The following IL12RB1 variants were observed in gnomAD, a reference collection of about 807,000 sequenced individuals.
IL12RB1 encodes interleukin-12 receptor subunit beta-1.
IL12RB1 carries 64 observed loss-of-function variants against 94.4 expected under a neutral mutation model. The ratio of observed to expected loss-of-function variants is 0.68; its 90% CI spans 0.55 to 0.83. IL12RB1 has a LOEUF of 0.83. Ranked by LOEUF, IL12RB1 falls within the 40% of genes least tolerant of loss-of-function variation. IL12RB1 has a pLI of 0.00. For missense variants in IL12RB1, 814 were observed against 855.6 expected (o/e 0.95, Z 0.61); for synonymous variants, 362 against 355.5 (o/e 1.02, Z -0.21).
chr19:18,098,559 A>G (rs1169694753), intron 1 of IL12RB1, among the ~76,000 whole-genome samples: 2 of 152,142 alleles, frequency 1.3e-5, no homozygotes, highest in Admixed American at 1.3e-4. Context: ...CGGGGACAGC[A>G]GAAGCCTAAG....
rs745668246 is a variant in IL12RB1, at chr19:18,066,658, T to G, written c.1367A>C (p.Asn456Thr). The change falls in exon 12 of 17, where the codon AAT becomes ACT. Residue 456 changes from asparagine (N) to threonine (T), a missense_variant. Physicochemically the swap from Asn to Thr is moderately conservative, Grantham distance 65. Transcript: ENST00000593993. ...AGTPHHVSVK[N>T]HSLDSVSVDW... is the part of the protein sequence containing the mutation. ...CACAGACACAGAGTCCAAGCTATGA[T>G]TCTTCACCGAGACGTGGTGCGGTGT... 1.9e-6 allele frequency: 3 copies of G among 1,610,458 alleles called. No individual in the cohort carries two copies. Among genetic ancestry groups the G allele is most frequent in the Non-Finnish European group, 1.7e-6 (2 of 1,177,218 alleles).
At chr19:18,083,269 C>G in intron 2 of IL12RB1, 163 bp downstream of exon 2, 1 of 749,584 alleles carries the variant, frequency 1.3e-6, no homozygotes, top group Non-Finnish European at 2.4e-6. Flanking sequence ...GCAACTTGAA[C>G]CTGGTAAGAA....
At chr19:18,091,261 T>G (rs1389335276), upstream of IL12RB1, among the ~76,000 whole-genome samples, 1 of 152,216 alleles carries the variant, frequency 6.6e-6, no homozygotes, top group East Asian at 1.9e-4. Flanking sequence ...TCTCTAGGCC[T>G]GCCAAGAGGC....
At chr19:18,094,644 G>A (rs78272055) in intron 1 of IL12RB1, among the ~76,000 whole-genome samples, 3,642 of 152,188 alleles carry the variant, frequency 0.024, 61 homozygotes, top group Non-Finnish European at 0.031. Flanking sequence ...CAGGAGGATC[G>A]CTTGAGCCCA....
rs1341576960 is a variant in IL12RB1 at position 18,078,483 on chromosome 19, G to A, written c.410-828C>T. Among the ~76,000 whole-genome samples the A allele has an allele frequency of 2.6e-5, 4 of 151,892 alleles. No individual in the cohort carries two copies. The South Asian group carries it at 8.3e-4, about 32-fold the overall frequency. ...GATTTATACACAGGATCCTGTTAGT[G>A]AAGATAACTTTAAAATATTAACACC... On this transcript the variant is annotated intron_variant, in intron 4 of 16. Coordinates refer to ENST00000593993, the MANE Select transcript of IL12RB1 (RefSeq NM_005535.3).
chr19:18,063,224 C>A (rs776283908), intron 13 of IL12RB1, among the ~76,000 whole-genome samples: 11 of 150,538 alleles, frequency 7.3e-5, no homozygotes, highest in Non-Finnish European at 1.6e-4. Flanking sequence ...GCCTCCTGAG[C>A]AGCTGAGACT....
At chr19:18,087,578 A>G (rs1434636169), upstream of IL12RB1, among the ~76,000 whole-genome samples, 1 of 151,784 alleles carries the variant, frequency 6.6e-6, no homozygotes, top group Non-Finnish European at 1.5e-5. Flanking sequence ...GCAGTGGTGC[A>G]ATCACGGCTC....
rs769424178 is a variant in IL12RB1, at chr19:18,059,981, G to T, written c.1896C>A (p.Leu632=). The change falls in exon 16 of 17, where the codon CTC becomes CTA. Residue 632 remains leucine, a synonymous_variant. Transcript: ENST00000593993. The part of the protein sequence containing the change: ...SWDKGERTEP[L]EKTELPEGAP... ...CACCCTCAGGTAGCTCTGTCTTCTC[G>T]AGAGGCTCAGTCCTCTCGCCTTTGT... is the stretch of plus-strand genomic sequence containing the variant. 6.3e-7 allele frequency: 1 copy of T among 1,599,750 alleles called. No homozygotes were observed. Among genetic ancestry groups the T allele is most frequent in the South Asian group, 1.1e-5 (1 of 89,194 alleles).
At chr19:18,081,861 TG>T (rs2035928975) in intron 3 of IL12RB1, among the ~76,000 whole-genome samples, 1 of 151,098 alleles carries the variant, frequency 6.6e-6, no homozygotes, top group South Asian at 2.1e-4. Context: ...GATGGATGGA[TG>T]GATGGATGGA....
At chr19:18,069,438 C>T in intron 10 of IL12RB1, 108 bp downstream of exon 10, 1 of 1,090,718 alleles carries the variant, frequency 9.2e-7, no homozygotes. Context: ...CAACACCTCT[C>T]TGGGCCTTAG....
intron 12 of IL12RB1, among the ~76,000 whole-genome samples, chr19:18,065,055 G>A (rs570603300): frequency 6.8e-4 from 104 of 152,224 alleles, no homozygotes; most frequent in African/African-American, 2.4e-3. Context: ...AATTAAAAGC[G>A]GGTATAAATA....
intron 2 of IL12RB1, among the ~76,000 whole-genome samples, chr19:18,082,814 T>G (rs1204234615): frequency 6.6e-6 from 1 of 152,118 alleles, no homozygotes; most frequent in East Asian, 1.9e-4. Context: ...CGGTGGCTCA[T>G]TCCTGGAATC....
intron 14 of IL12RB1, among the ~76,000 whole-genome samples, chr19:18,061,739 T>A (rs914644179): frequency 1.3e-5 from 2 of 152,042 alleles, no homozygotes; most frequent in African/African-American, 4.8e-5. Context: ...GGCACGCACC[T>A]GTAGTCCCAG....
At chr19:18,068,636 T>TTTCAAAGCC (rs1307998354) in intron 10 of IL12RB1, 110 bp from the exon 11 acceptor site, 15 of 864,382 alleles carry the variant, frequency 1.7e-5, no homozygotes, top group Non-Finnish European at 2.9e-5. Context: ...CCTACTCATG[T>TTTCAAAGCC]TTCAAAGCCC....
rs1266683292 is a variant in IL12RB1, at chr19:18,083,443, T to G, written c.113A>C (p.Asp38Ala). The change falls in exon 2 of 17, where the codon GAT becomes GCT. Residue 38 changes from aspartate (D) to alanine (A), a missense_variant. Physicochemically the swap from Asp to Ala is moderately radical, Grantham distance 126. Coordinates refer to ENST00000593993, the MANE Select transcript of IL12RB1 (RefSeq NM_005535.3). The stretch of plus-strand genomic sequence containing the variant: ...GAACTGCCCCGAACCTGAGTCTGCA[T>G]CCGGATATGGCGGGTCCTGAAAACA... ...ECCFQDPPYP[D>A]ADSGSASGPR... is the part of the protein sequence containing the mutation. 1 of 1,614,088 alleles carries G rather than the reference T, an allele frequency of 6.2e-7. No homozygotes were observed. Among genetic ancestry groups the G allele is most frequent in the Non-Finnish European group, 8.5e-7 (1 of 1,180,004 alleles).
chr19:18,086,977 T>A, upstream of IL12RB1: 1 of 1,493,446 alleles, frequency 6.7e-7, no homozygotes. Context: ...TCACAGCCCA[T>A]CCCTAAGGCA....
At chr19:18,075,992 C>T (rs1045757448) in intron 6 of IL12RB1, 124 bp from the exon 7 acceptor site, 7 of 954,370 alleles carry the variant, frequency 7.3e-6, no homozygotes, top group South Asian at 1.3e-5. Flanking sequence ...GTCCTGGGGG[C>T]TCAGCAGAAG....
chr19:18,062,207 G>GC lies in IL12RB1; in HGVS notation c.1688dup (p.Val564ArgfsTer28). The GC allele has an allele frequency of 6.2e-7, 1 of 1,612,642 alleles. No individual in the cohort carries two copies. The highest frequency in any genetic ancestry group is 8.5e-7 in the Non-Finnish European group (1 of 1,178,882). ...TGTTCAGGCCAAGGTAGCCAAGGAC[G>GC]CCCACGAGAAGGATGCTCAGGAAGC... On this transcript the variant is annotated frameshift_variant, in exon 14 of 17. Coordinates refer to ENST00000593993, the MANE Select transcript of IL12RB1 (RefSeq NM_005535.3). LOFTEE classifies it high-confidence loss of function.
At chr19:18,074,025 A>T (rs1393730511) in intron 7 of IL12RB1, among the ~76,000 whole-genome samples, 2 of 152,090 alleles carry the variant, frequency 1.3e-5, no homozygotes, top group Non-Finnish European at 2.9e-5. Flanking sequence ...GGGTTTCACC[A>T]TGTTGGTCAG....
Sources: allele counts gnomAD v4.1 joint callset (sites outside exome capture counted in the v4.1 genomes callset), GRCh38; gene constraint gnomAD v4.1.1; transcripts MANE v1.5; gene names NCBI Gene and HGNC (gene_info 2026-07-23, HGNC 2026-07-21).